RBFOX1: variants seen among roughly 807,000 people sequenced by gnomAD.
The protein encoded by RBFOX1 is RNA binding fox-1 homolog 1.
A neutral mutation model predicts 57.7 loss-of-function variants in RBFOX1; 8 were observed. That is an observed-to-expected ratio of 0.14 (90% confidence interval 0.08 to 0.25). RBFOX1 has a LOEUF of 0.25. Among genes scored for constraint, RBFOX1 ranks in the 10% least tolerant of loss-of-function variants. The pLI is 1.00. For missense variants in RBFOX1, 611 were observed against 548.5 expected (o/e 1.11, Z -1.14); for synonymous variants, 326 against 222.4 (o/e 1.47, Z -4.15).
At chr16:6,049,946 A>G (rs552434451) in intron 1 of RBFOX1, among the ~76,000 whole-genome samples, 1 of 149,714 alleles carries the variant, frequency 6.7e-6, no homozygotes, top group African/African-American at 2.4e-5. Flanking sequence ...GTTAAAAAAA[A>G]GCTTAAAACG....
At chr16:6,125,318 G>A (rs918859017) in intron 1 of RBFOX1, among the ~76,000 whole-genome samples, 8 of 152,170 alleles carry the variant, frequency 5.3e-5, no homozygotes, top group African/African-American at 9.7e-5. Flanking sequence ...AAGAAGAGGT[G>A]GGTCTACTTA....
chr16:7,195,231 A>G (rs1166238626), intron 4 of RBFOX1, among the ~76,000 whole-genome samples: 1 of 152,112 alleles, frequency 6.6e-6, no homozygotes, highest in Non-Finnish European at 1.5e-5. Context: ...ATAGCCTTAT[A>G]TTTGGTGATA....
At chr16:6,614,386 T>C (rs1299646966) in intron 2 of RBFOX1, among the ~76,000 whole-genome samples, 1 of 152,148 alleles carries the variant, frequency 6.6e-6, no homozygotes, top group Non-Finnish European at 1.5e-5. Context: ...TTAGAAAGAA[T>C]ATTGGTATCT....
At position 7,319,256 on chromosome 16, in the gene RBFOX1, C is replaced by T. The variant is rs547209539; in HGVS notation, c.28-198891C>T. Among the ~76,000 whole-genome samples the T allele has an allele frequency of 5.9e-5, 9 of 152,168 alleles. No individual in the cohort carries two copies. In the East Asian group the frequency reaches 1.5e-3, roughly 26 times the overall value. ...GGAGTCTGTGAATTTCCACGTTGAGCTCTATTCAATATTGTTGGGGGAGAT... is the reference window on the plus strand; with the variant it reads ...GGAGTCTGTGAATTTCCACGTTGAGTTCTATTCAATATTGTTGGGGGAGAT... On this transcript the variant is annotated intron_variant, in intron 4 of 15. Coordinates refer to ENST00000550418, the MANE Select transcript of RBFOX1 (RefSeq NM_018723.4).
At chr16:5,422,181 A>G (rs1596989999) in intron 1 of RBFOX1, among the ~76,000 whole-genome samples, 1 of 150,896 alleles carries the variant, frequency 6.6e-6, no homozygotes, top group Non-Finnish European at 1.5e-5. Flanking sequence ...AGAGGAAGAG[A>G]GAGAGGGAGA....
intron 3 of RBFOX1, among the ~76,000 whole-genome samples, chr16:6,714,323 G>A (rs1321721449): frequency 6.6e-6 from 1 of 152,134 alleles, no homozygotes; most frequent in African/African-American, 2.4e-5. Context: ...GACCAAAACA[G>A]TGGTTTATTT....
At chr16:7,703,324 G>A (rs990104138) in intron 14 of RBFOX1, among the ~76,000 whole-genome samples, 4 of 152,132 alleles carry the variant, frequency 2.6e-5, no homozygotes, top group Non-Finnish European at 4.4e-5. Flanking sequence ...TGTTGGGAGG[G>A]GTACAAGCCC....
chr16:7,555,140 C>A (rs754694165), intron 5 of RBFOX1, among the ~76,000 whole-genome samples: 3 of 152,144 alleles, frequency 2.0e-5, no homozygotes, highest in Non-Finnish European at 4.4e-5. Context: ...TGCATCTCCC[C>A]ACCCTCTTAC....
intron 3 of RBFOX1, among the ~76,000 whole-genome samples, chr16:7,030,639 A>AGAGG (rs1444723244): frequency 6.6e-6 from 1 of 152,062 alleles, no homozygotes; most frequent in African/African-American, 2.4e-5. Flanking sequence ...ACCTACTCTA[A>AGAGG]TCTACTATGA....
intron 3 of RBFOX1, among the ~76,000 whole-genome samples, chr16:7,000,558 T>C (rs944143147): frequency 6.6e-6 from 1 of 151,202 alleles, no homozygotes; most frequent in African/African-American, 2.4e-5. Flanking sequence ...CAAAAACACA[T>C]AATAAGTTTT....
In RBFOX1 at chr16:6,266,161, A is replaced by G. The variant is rs534068750; in HGVS notation, c.-126-50834A>G. 3.3e-5 allele frequency among the ~76,000 whole-genome samples: 5 copies of G among 152,154 alleles called. No individual in the cohort carries two copies. In the South Asian group the frequency reaches 1.0e-3, roughly 32 times the overall value. On this transcript the variant is annotated intron_variant, in intron 1 of 15. Transcript: ENST00000550418. ...CTTATTCTCTTCTCCCACTGTGGAG[A>G]GATCAGTGAGTCACTTCTCTATCAG...
chr16:7,458,479 A>T (rs1159117963), intron 4 of RBFOX1, among the ~76,000 whole-genome samples: 1 of 152,140 alleles, frequency 6.6e-6, no homozygotes, highest in East Asian at 1.9e-4. Flanking sequence ...ATGCCTCTCT[A>T]GCTGCTGTTT....
At chr16:5,638,916 C>G (rs910047309) in intron 3 of RBFOX1, among the ~76,000 whole-genome samples, 1 of 152,152 alleles carries the variant, frequency 6.6e-6, no homozygotes, top group Non-Finnish European at 1.5e-5. Flanking sequence ...CCTGTGAAAC[C>G]CAACTCAAAT....
At chr16:5,481,824 T>C (rs1007112377) in intron 2 of RBFOX1, among the ~76,000 whole-genome samples, 1 of 152,184 alleles carries the variant, frequency 6.6e-6, no homozygotes, top group South Asian at 2.1e-4. Flanking sequence ...TGATCTGCCT[T>C]CTGACCGTGT....
intron 1 of RBFOX1, among the ~76,000 whole-genome samples, chr16:6,144,883 T>G (rs968225546): frequency 6.6e-6 from 1 of 152,202 alleles, no homozygotes; most frequent in Admixed American, 6.5e-5. Flanking sequence ...ACAGAATAGT[T>G]TGTCCACCTG....
chr16:6,180,402 T>G (rs117086377), intron 1 of RBFOX1, among the ~76,000 whole-genome samples: 1,599 of 152,168 alleles, frequency 0.011, 13 homozygotes, highest in Non-Finnish European at 0.019. Context: ...TTATCTATTA[T>G]TTTTGGCCTA....
intron 4 of RBFOX1, among the ~76,000 whole-genome samples, chr16:7,083,473 A>G (rs1023695839): frequency 1.3e-5 from 2 of 152,018 alleles, no homozygotes; most frequent in South Asian, 2.1e-4. Flanking sequence ...AAAACAAGAA[A>G]TGACACATAC....
chr16:6,052,032 G>A (rs1421965094), intron 1 of RBFOX1, among the ~76,000 whole-genome samples: 9 of 152,178 alleles, frequency 5.9e-5, no homozygotes, highest in South Asian at 2.1e-4. Flanking sequence ...TCCCCATCAT[G>A]CCAAACAAGC....
chr16:6,218,510 C>T (rs1182475768), intron 1 of RBFOX1, among the ~76,000 whole-genome samples: 1 of 151,970 alleles, frequency 6.6e-6, no homozygotes, highest in African/African-American at 2.4e-5. Flanking sequence ...GGATTCTACC[C>T]TGTTTGCCAG....
Sources: gnomAD v4.1 joint callset for allele counts (sites outside exome capture counted in the v4.1 genomes callset) on GRCh38, gnomAD v4.1.1 for gene constraint, MANE v1.5 for transcripts, NCBI Gene and HGNC (gene_info 2026-07-23, HGNC 2026-07-21) for gene names.